MAP6: variants seen among roughly 807,000 people sequenced by gnomAD.
MAP6 encodes the protein microtubule associated protein 6, also known as microtubule-associated protein 6.
Under a neutral mutation model 42.4 loss-of-function variants are expected in MAP6, and 26 were observed. The ratio of observed to expected loss-of-function variants is 0.61; its 90% CI spans 0.45 to 0.85. The LOEUF (loss-of-function observed/expected upper bound fraction) is 0.85. MAP6 is among the 40% of genes least tolerant of loss of function. The probability of loss-of-function intolerance (pLI) is 0.00; values close to 1 mark genes in which losing one functional copy is unlikely to be tolerated. For missense variants in MAP6, 966 were observed against 1,099.0 expected (o/e 0.88, Z 1.71); for synonymous variants, 418 against 443.8 (o/e 0.94, Z 0.73).
At chr11:75,636,909 T>C (rs78550653) in intron 1 of MAP6, among the ~76,000 whole-genome samples, 2,406 of 152,296 alleles carry the variant, frequency 0.016, 54 homozygotes, top group African/African-American at 0.056. Context: ...ACAATATTCC[T>C]TCTGGGAGCG....
chr11:75,601,104 C>G (rs1369176809), intron 3 of MAP6, among the ~76,000 whole-genome samples: 1 of 152,206 alleles, frequency 6.6e-6, no homozygotes, highest in Admixed American at 6.5e-5. Context: ...GCCCTGAGCA[C>G]GTGGGCAGCA....
intron 1 of MAP6, among the ~76,000 whole-genome samples, chr11:75,635,379 T>C (rs1482892834): frequency 1.3e-5 from 2 of 152,016 alleles, no homozygotes; most frequent in Admixed American, 1.3e-4. Flanking sequence ...AGAAAACGAG[T>C]GGCATCTGGT....
chr11:75,604,444 G>A lies in MAP6; in HGVS notation c.1316+1364C>T, dbSNP rs147790959. ...AAAAGAAGAGCAAGCCTGCGCCGGG[G>A]CTTGACACCGGACGGCAGCCCAGTG... On this transcript the variant is annotated intron_variant, in intron 3 of 3. Coordinates refer to ENST00000304771, the MANE Select transcript of MAP6 (RefSeq NM_033063.2). 3.0e-6 allele frequency: 3 copies of A among 985,450 alleles called. No individual in the cohort carries two copies. In the African/African-American group the frequency reaches 5.2e-5, roughly 17 times the overall value. The allele number at this position is 985,450 out of a possible 1,614,324, so 61.0% of individuals were successfully genotyped here. A position where few individuals can be genotyped will look rare whatever the true frequency, so the allele number is the denominator to read the frequency against.
chr11:75,618,473 G>A (rs1176275542), intron 1 of MAP6, among the ~76,000 whole-genome samples: 1 of 152,100 alleles, frequency 6.6e-6, no homozygotes, highest in Admixed American at 6.5e-5. Flanking sequence ...CAGGCATGGT[G>A]GTGGGCGCCT....
At chr11:75,627,508 G>A (rs1943217187) in intron 1 of MAP6, among the ~76,000 whole-genome samples, 1 of 152,222 alleles carries the variant, frequency 6.6e-6, no homozygotes, top group Admixed American at 6.5e-5. Flanking sequence ...TGGCCAAACA[G>A]TAGGAGGAGG....
intron 3 of MAP6, among the ~76,000 whole-genome samples, chr11:75,600,833 G>T (rs943200562): frequency 1.3e-5 from 2 of 152,214 alleles, no homozygotes; most frequent in South Asian, 4.1e-4. Flanking sequence ...TGAGAAGCAG[G>T]TTGTAAATTC....
intron 1 of MAP6, among the ~76,000 whole-genome samples, chr11:75,627,299 C>G (rs1209030800): frequency 6.6e-6 from 1 of 152,226 alleles, no homozygotes; most frequent in Non-Finnish European, 1.5e-5. Context: ...CCAGCAGCAG[C>G]TGGCCTCACA....
At chr11:75,626,844 T>C (rs1378196624) in intron 1 of MAP6, among the ~76,000 whole-genome samples, 1 of 152,086 alleles carries the variant, frequency 6.6e-6, no homozygotes, top group Non-Finnish European at 1.5e-5. Flanking sequence ...GAGCCCACAA[T>C]CTAGTGAAGG....
intron 1 of MAP6, among the ~76,000 whole-genome samples, chr11:75,656,126 G>C (rs1255201842): frequency 6.6e-6 from 1 of 152,122 alleles, no homozygotes. Context: ...AATCCTTAAG[G>C]GCTAGGAGGC....
chr11:75,666,795 A>G (rs1164204603), intron 1 of MAP6, among the ~76,000 whole-genome samples: 3 of 152,366 alleles, frequency 2.0e-5, no homozygotes, highest in Non-Finnish European at 4.4e-5. Flanking sequence ...AGAGATGTCT[A>G]TTACCAATTA....
intron 3 of MAP6, among the ~76,000 whole-genome samples, chr11:75,588,434 CAG>C (rs999390843): frequency 6.6e-6 from 1 of 152,098 alleles, no homozygotes; most frequent in African/African-American, 2.4e-5. Context: ...GCACGTGGCA[CAG>C]GGGGTGGCAC....
Position 75,605,719 on chromosome 11 carries a change from T to C in MAP6, c.1316+89A>G. ...GATGAGAAGCCTCTAATTAATTTTGTGGCCTTTTTTGGTTTGTTGGTTTAA... is the reference window on the plus strand; with the variant it reads ...GATGAGAAGCCTCTAATTAATTTTGCGGCCTTTTTTGGTTTGTTGGTTTAA... On this transcript the variant is annotated intron_variant, in intron 3 of 3. Coordinates refer to ENST00000304771, the MANE Select transcript of MAP6 (RefSeq NM_033063.2). The C allele has an allele frequency of 1.3e-6, 2 of 1,559,212 alleles. 1 individual carries two copies.
rs967481909 is a variant in MAP6, at chr11:75,638,834, T to C, written c.905+28631A>G. ...TACCCCAAAAGAAAAGAAACCATGA[T>C]ATAAAAAAGACAGCTGCTGCTGTTT... On this transcript the variant is annotated intron_variant, in intron 1 of 3. Coordinates refer to ENST00000304771, the MANE Select transcript of MAP6 (RefSeq NM_033063.2). Among the ~76,000 whole-genome samples the C allele has an allele frequency of 2.8e-4, 42 of 152,114 alleles. 1 individual carries two copies. Among genetic ancestry groups the C allele is most frequent in the Non-Finnish European group, 1.2e-4 (8 of 68,002 alleles).
chr11:75,604,541 T>C (rs1035288792), intron 3 of MAP6: 1 of 985,264 alleles, frequency 1.0e-6, no homozygotes, highest in Non-Finnish European at 1.2e-6. Flanking sequence ...ATACACGTCA[T>C]ATTGGCAAAT....
intron 1 of MAP6, among the ~76,000 whole-genome samples, chr11:75,616,330 A>G (rs1018103325): frequency 6.6e-6 from 1 of 152,196 alleles, no homozygotes; most frequent in Non-Finnish European, 1.5e-5. Flanking sequence ...TTTTTTTGAC[A>G]TTCCTCGACT....
chr11:75,594,511 C>T (rs911953021), intron 3 of MAP6: 8 of 152,162 alleles, frequency 5.3e-5, no homozygotes, highest in African/African-American at 1.9e-4. Context: ...TATCCTCAAC[C>T]GGACTCTGTG....
chr11:75,649,634 G>T (rs556010102), intron 1 of MAP6, among the ~76,000 whole-genome samples: 1 of 152,078 alleles, frequency 6.6e-6, no homozygotes, highest in African/African-American at 2.4e-5. Context: ...TGCCGCCCAC[G>T]TTCAAGCGAT....
intron 1 of MAP6, chr11:75,642,906 A>G (rs1735537347): frequency 4.1e-6 from 2 of 493,662 alleles, no homozygotes; most frequent in South Asian, 1.5e-5. Context: ...AAGCATTTCA[A>G]TGATTAGTCA....
chr11:75,667,543 C>T lies in MAP6; in HGVS notation c.827G>A (p.Gly276Asp), dbSNP rs1406398310. Residue 276 changes from glycine (G) to aspartate (D), a missense_variant, in exon 1 of 4, where the codon GGC becomes GAC. Gly to Asp is a moderately conservative substitution (Grantham distance 94, BLOSUM62 -1). Transcript: ENST00000304771. This position sits in a 1 kb window ranked among gnomAD's most constrained non-coding sequence, Gnocchi z 5.6. Reference protein sequence around the residue: ...AQVQATGPEAGRGRAAADALN... With the variant: ...AQVQATGPEADRGRAAADALN... ...GGCGTCCGCCGCGGCGCGCCCCCTGCCAGCCTCGGGGCCGGTGGCCTGGAC... is the reference window on the plus strand; with the variant it reads ...GGCGTCCGCCGCGGCGCGCCCCCTGTCAGCCTCGGGGCCGGTGGCCTGGAC... 1.7e-5 allele frequency: 25 copies of T among 1,490,110 alleles called. No individual in the cohort carries two copies. Among genetic ancestry groups the T allele is most frequent in the Non-Finnish European group, 2.2e-5 (25 of 1,128,140 alleles). 92.3% of individuals were successfully genotyped at this position (1,490,110 alleles called of 1,614,324 possible).
Sources: allele counts gnomAD v4.1 joint callset (sites outside exome capture counted in the v4.1 genomes callset), GRCh38; gene constraint gnomAD v4.1.1; non-coding constraint Gnocchi (gnomAD v3.1); transcripts MANE v1.5; gene names NCBI Gene and HGNC (gene_info 2026-07-23, HGNC 2026-07-21).